PTPA: variants seen among roughly 807,000 people sequenced by gnomAD.
PTPA encodes serine/threonine-protein phosphatase 2A activator.
PTPA carries 13 observed loss-of-function variants against 43.6 expected under a neutral mutation model. That is an observed-to-expected ratio of 0.30 (90% CI 0.19 to 0.47). The LOEUF is 0.47. Ranked by LOEUF, PTPA falls within the 20% of genes least tolerant of loss-of-function variation. PTPA has a pLI of 0.99. For missense variants in PTPA, 329 were observed against 411.9 expected (o/e 0.80, Z 1.74); for synonymous variants, 172 against 158.2 (o/e 1.09, Z -0.66).
At chr9:129,146,757 TCTGCTAGGAGCCCGGGCTGGG>T (rs1851327569) in intron 9 of PTPA, among the ~76,000 whole-genome samples, 1 of 152,204 alleles carries the variant, frequency 6.6e-6, no homozygotes, top group Admixed American at 6.5e-5. Flanking sequence ...GCTCTGCTCC[TCTGCTAGGAGCCCGGGCTGGG>T]CTGGGCTCAG....
intron 1 of PTPA, among the ~76,000 whole-genome samples, chr9:129,114,373 T>C (rs945886317): frequency 2.6e-5 from 4 of 152,236 alleles, no homozygotes; most frequent in Non-Finnish European, 5.9e-5. Context: ...GTCATACATA[T>C]CTGGCTCTGC....
chr9:129,143,826 A>G (rs1851085906), intron 9 of PTPA, among the ~76,000 whole-genome samples: 1 of 151,942 alleles, frequency 6.6e-6, no homozygotes, highest in Non-Finnish European at 1.5e-5. Flanking sequence ...GCCCTGGGTC[A>G]CTGCCCTCTG....
At chr9:129,132,952 T>C (rs188735704) in intron 5 of PTPA, among the ~76,000 whole-genome samples, 36 of 151,752 alleles carry the variant, frequency 2.4e-4, no homozygotes, top group Admixed American at 1.8e-3. Context: ...CTCAAAAATA[T>C]AAAAGGGAGG....
In PTPA at chr9:129,120,506, T is replaced by G. The variant is rs747899394; in HGVS notation, c.32-7T>G. The G allele has an allele frequency of 5.8e-4, 932 of 1,602,108 alleles. 2 individuals are homozygous for G. Among genetic ancestry groups the G allele is most frequent in the Non-Finnish European group, 7.1e-4 (829 of 1,171,640 alleles). ...ATCTGTTTGTTTTTTCATTTTTTTTTGTCAAGATTCTTCAGAGGAGGCCCC... is the reference window on the plus strand; with the variant it reads ...ATCTGTTTGTTTTTTCATTTTTTTTGGTCAAGATTCTTCAGAGGAGGCCCC... On this transcript the variant is annotated splice_polypyrimidine_tract_variant and splice_region_variant and intron_variant, in intron 1 of 9. Transcript: ENST00000393370.
chr9:129,115,243 T>C (rs919316286), intron 1 of PTPA, among the ~76,000 whole-genome samples: 16 of 152,372 alleles, frequency 1.1e-4, no homozygotes, highest in South Asian at 8.3e-4. Flanking sequence ...CAAAGCTTTT[T>C]ATTTGGCATC....
At chr9:129,118,666 C>T (rs192742185) in intron 1 of PTPA, among the ~76,000 whole-genome samples, 220 of 152,128 alleles carry the variant, frequency 1.4e-3, no homozygotes, top group East Asian at 6.8e-3. Flanking sequence ...TGAGCCACCG[C>T]GCCCCGCCTA....
At chr9:129,143,554 G>C in intron 9 of PTPA, 3 of 660,524 alleles carry the variant, frequency 4.5e-6, no homozygotes, top group South Asian at 3.2e-5. Context: ...CCAGCGGGGT[G>C]GGGGAGCACA....
intron 1 of PTPA, 116 bp downstream of exon 1, chr9:129,111,747 G>A (rs1442099954): frequency 1.6e-6 from 2 of 1,238,138 alleles, no homozygotes; most frequent in Non-Finnish European, 2.0e-6. Flanking sequence ...GGCAAAAGCT[G>A]AGGGGCCCCG....
chr9:129,122,745 T>G (rs1849324766), intron 2 of PTPA, among the ~76,000 whole-genome samples: 1 of 152,224 alleles, frequency 6.6e-6, no homozygotes, highest in South Asian at 2.1e-4. Context: ...ATCTGTAAGA[T>G]GGCGCCAGCA....
intron 1 of PTPA, among the ~76,000 whole-genome samples, chr9:129,116,279 G>T (rs1848857858): frequency 6.7e-6 from 1 of 149,622 alleles, no homozygotes; most frequent in East Asian, 2.0e-4. Flanking sequence ...CTGCCTCCTG[G>T]GTTCACGCCA....
At chr9:129,146,152 C>T (rs930138793) in intron 9 of PTPA, among the ~76,000 whole-genome samples, 2 of 152,122 alleles carry the variant, frequency 1.3e-5, no homozygotes, top group Non-Finnish European at 2.9e-5. Context: ...ACATAAGCAC[C>T]ATGGCAGCTG....
chr9:129,137,655 A>C lies in PTPA; in HGVS notation c.749A>C (p.Asp250Ala), dbSNP rs1706222948. The change falls in exon 8 of 10, where the codon GAC (aspartate) becomes GCC (alanine). Residue 250 changes from aspartate (D) to alanine (A), a missense_variant. Coordinates refer to ENST00000393370, the MANE Select transcript of PTPA (RefSeq NM_178000.3). ...DEKAVNENHK[D>A]YMFLECILFI... is the part of the protein sequence containing the mutation. Reference sequence around the variant, plus strand: ...AAGGCCGTGAATGAGAACCACAAGGACTACATGTTCCTGGAGTGTATCCTG... The same window carrying C: ...AAGGCCGTGAATGAGAACCACAAGGCCTACATGTTCCTGGAGTGTATCCTG... 6.2e-7 allele frequency: 1 copy of C among 1,612,326 alleles called. No homozygotes were observed. The highest frequency in any genetic ancestry group is 8.5e-7 in the Non-Finnish European group (1 of 1,179,148).
intron 9 of PTPA, chr9:129,143,399 GC>G: frequency 1.4e-6 from 1 of 703,068 alleles, no homozygotes; most frequent in Non-Finnish European, 2.6e-6. Context: ...CTAGTTCATG[GC>G]CTCAGACACT....
intron 1 of PTPA, among the ~76,000 whole-genome samples, chr9:129,113,595 C>A (rs1003899041): frequency 1.3e-5 from 2 of 151,780 alleles, no homozygotes; most frequent in Non-Finnish European, 2.9e-5. Flanking sequence ...CATGGCAAAA[C>A]CCCGTCTGTA....
Position 129,122,463 on chromosome 9 carries a change from C to G in PTPA, c.130-589C>G, listed in dbSNP as rs780697298. Among the ~76,000 whole-genome samples the G allele has an allele frequency of 3.3e-5, 5 of 152,188 alleles. 1 individual carries two copies. The highest frequency in any genetic ancestry group is 5.9e-5 in the Non-Finnish European group (4 of 68,046). On this transcript the variant is annotated intron_variant, in intron 2 of 9. Coordinates refer to ENST00000393370, the MANE Select transcript of PTPA (RefSeq NM_178000.3). Reference sequence around the variant, plus strand: ...GCAGCCCAGCAGGGAAGAAGAGTGTCTAGTTGAAAGCTGGGAATGGTTGTG... The same window carrying G: ...GCAGCCCAGCAGGGAAGAAGAGTGTGTAGTTGAAAGCTGGGAATGGTTGTG...
chr9:129,120,424 C>CAAAAAA, intron 1 of PTPA, 89 bp from the exon 2 acceptor site: 1 of 661,520 alleles, frequency 1.5e-6, no homozygotes, highest in Non-Finnish European at 2.2e-6. Flanking sequence ...AACTCCGTCT[C>CAAAAAA]AAGAAAAAAA....
chr9:129,139,494 G>A (rs1850613439), intron 8 of PTPA: 1 of 152,220 alleles, frequency 6.6e-6, no homozygotes, highest in Admixed American at 6.5e-5. Context: ...TTCAACAGTA[G>A]ACCCTAGGAG....
chr9:129,143,730 C>T (rs1851075515), intron 9 of PTPA: 1 of 290,718 alleles, frequency 3.4e-6, no homozygotes. Context: ...CCTCTCTAAT[C>T]TGAGAGGCCT....
At chr9:129,136,657 C>T (rs530697759) in intron 7 of PTPA, 62 bp downstream of exon 7, 1 of 1,509,450 alleles carries the variant, frequency 6.6e-7, no homozygotes, top group African/African-American at 1.4e-5. Flanking sequence ...TGTGGCCCTC[C>T]CCTGCCCCTC....
Sources: gnomAD v4.1 joint callset for allele counts (sites outside exome capture counted in the v4.1 genomes callset) on GRCh38, gnomAD v4.1.1 for gene constraint, MANE v1.5 for transcripts, NCBI Gene and HGNC (gene_info 2026-07-23, HGNC 2026-07-21) for gene names.